HPSE2: variants seen among roughly 807,000 people sequenced by gnomAD.
HPSE2 encodes inactive heparanase-2.
In HPSE2, 38 loss-of-function variants were observed where a neutral mutation model predicts 60.5. The observed-to-expected ratio is 0.63, with a 90% CI of 0.48 to 0.82. HPSE2 has a LOEUF of 0.82. HPSE2 is among the 40% of genes least tolerant of loss of function. The pLI, the probability that HPSE2 is intolerant of heterozygous loss-of-function variation, is 0.00. For synonymous variants in HPSE2, 295 were observed against 293.2 expected, an observed-to-expected ratio of 1.01 and a Z score of -0.06; for missense variants, 713 against 740.4, an observed-to-expected ratio of 0.96 and a Z score of 0.43.
chr10:99,258,223 T>A, the HPSE2 span, among the ~76,000 whole-genome samples: 1 of 151,896 alleles, frequency 6.6e-6, no homozygotes, highest in African/African-American at 2.4e-5. Flanking sequence ...TAATAAAGAA[T>A]TGAAATTTCA....
chr10:99,278,225 C>T, the HPSE2 span, among the ~76,000 whole-genome samples: 1 of 151,970 alleles, frequency 6.6e-6, no homozygotes, highest in Non-Finnish European at 1.5e-5. Context: ...GGAAGATAGA[C>T]ATGGCTGTTT....
At position 98,471,670 on chromosome 10, in the gene HPSE2, C is replaced by A. The variant is rs147157238; in HGVS notation, c.1613+10966G>T. 1.2e-3 allele frequency among the ~76,000 whole-genome samples: 176 copies of A among 152,060 alleles called. 1 individual carries two copies. Among genetic ancestry groups the A allele is most frequent in the African/African-American group, 3.9e-3 (160 of 41,472 alleles). ...ATGTCTTGCCCCCTCCCGCTTGTAC[C>A]TTGGTGGGATGATTATGCTCCTCGG... On this transcript the variant is annotated intron_variant, in intron 11 of 11. Coordinates refer to ENST00000370552, the MANE Select transcript of HPSE2 (RefSeq NM_021828.5).
chr10:98,755,768 T>C (rs925702958), intron 3 of HPSE2, among the ~76,000 whole-genome samples: 2 of 152,084 alleles, frequency 1.3e-5, no homozygotes, highest in Non-Finnish European at 2.9e-5. Context: ...GAGTTTCAGG[T>C]GGGCAGATCA....
At chr10:98,914,349 C>G in intron 3 of HPSE2, among the ~76,000 whole-genome samples, 1 of 151,962 alleles carries the variant, frequency 6.6e-6, no homozygotes. Context: ...AAACCTCTTT[C>G]TTTTGTAAAT....
intron 3 of HPSE2, among the ~76,000 whole-genome samples, chr10:98,916,014 T>C (rs1256742054): frequency 6.6e-6 from 1 of 152,186 alleles, no homozygotes; most frequent in Non-Finnish European, 1.5e-5. Context: ...AGTTGCCCTG[T>C]TCTAGCTTGC....
intron 3 of HPSE2, among the ~76,000 whole-genome samples, chr10:99,019,539 A>G (rs2135421896): frequency 6.6e-6 from 1 of 152,252 alleles, no homozygotes; most frequent in South Asian, 2.1e-4. Flanking sequence ...TTTTAAGATA[A>G]GTACATACAT....
intron 3 of HPSE2, among the ~76,000 whole-genome samples, chr10:98,782,767 T>G (rs1466774032): frequency 1.1e-5 from 1 of 92,662 alleles, no homozygotes; most frequent in Non-Finnish European, 2.5e-5. Context: ...TGTAGGACCC[T>G]GGGAAAATAT....
intron 3 of HPSE2, among the ~76,000 whole-genome samples, chr10:99,100,210 T>C (rs985949930): frequency 2.0e-5 from 3 of 152,154 alleles, no homozygotes; most frequent in Non-Finnish European, 4.4e-5. Context: ...AAGAAGGAAG[T>C]TCGAATCCAT....
At chr10:98,874,980 A>C (rs1952835566) in intron 3 of HPSE2, among the ~76,000 whole-genome samples, 1 of 152,052 alleles carries the variant, frequency 6.6e-6, no homozygotes, top group African/African-American at 2.4e-5. Context: ...GTGGTGGATA[A>C]GTTTTTTGAT....
intron 3 of HPSE2, among the ~76,000 whole-genome samples, chr10:98,959,539 C>T (rs1038365556): frequency 6.6e-6 from 1 of 152,006 alleles, no homozygotes; most frequent in African/African-American, 2.4e-5. Context: ...GTGCCCAAAA[C>T]GTTTTGTGAA....
intron 3 of HPSE2, among the ~76,000 whole-genome samples, chr10:98,868,082 T>A (rs76132022): frequency 2.6e-3 from 3 of 1,160 alleles, no homozygotes; most frequent in Non-Finnish European, 3.6e-3. Context: ...AGAAAGAAAA[T>A]AAATAAATAA....
chr10:99,108,605 A>C (rs1205595756), intron 3 of HPSE2, among the ~76,000 whole-genome samples: 2 of 152,212 alleles, frequency 1.3e-5, no homozygotes, highest in East Asian at 3.8e-4. Context: ...TCATTACTCT[A>C]TAACGAGACC....
At chr10:98,989,917 T>C (rs1956482314) in intron 3 of HPSE2, among the ~76,000 whole-genome samples, 1 of 152,200 alleles carries the variant, frequency 6.6e-6, no homozygotes, top group African/African-American at 2.4e-5. Flanking sequence ...TTTCCTCCTT[T>C]TCAAAGAAGC....
At chr10:99,224,452 CAT>C (rs1314120225) in intron 2 of HPSE2, among the ~76,000 whole-genome samples, 21 of 148,224 alleles carry the variant, frequency 1.4e-4, no homozygotes, top group Middle Eastern at 3.4e-3. Flanking sequence ...CACACACACA[CAT>C]AGCTCAGAGT....
chr10:98,755,111 A>G (rs1949848755), intron 3 of HPSE2, among the ~76,000 whole-genome samples: 1 of 152,108 alleles, frequency 6.6e-6, no homozygotes, highest in African/African-American at 2.4e-5. Flanking sequence ...ACCCAACTAT[A>G]TGCTGTATTC....
chr10:98,579,997 T>C (rs1944748508), intron 9 of HPSE2, among the ~76,000 whole-genome samples: 1 of 152,222 alleles, frequency 6.6e-6, no homozygotes, highest in Non-Finnish European at 1.5e-5. Flanking sequence ...GACTTTCATG[T>C]CTGAAAATGT....
intron 1 of HPSE2, among the ~76,000 whole-genome samples, chr10:99,235,096 T>TCACA (rs1176201504): frequency 4.6e-4 from 37 of 80,420 alleles, no homozygotes; most frequent in African/African-American, 1.7e-3. Flanking sequence ...CTCTCCTGTC[T>TCACA]CACATACACA....
intron 3 of HPSE2, among the ~76,000 whole-genome samples, chr10:98,808,842 T>TA (rs1951101601): frequency 6.6e-6 from 1 of 152,158 alleles, no homozygotes; most frequent in East Asian, 1.9e-4. Context: ...AGTCTCCAAT[T>TA]AGTGTCCTAG....
At chr10:98,503,736 T>A (rs182006726) in intron 9 of HPSE2, among the ~76,000 whole-genome samples, 3 of 152,190 alleles carry the variant, frequency 2.0e-5, no homozygotes, top group Non-Finnish European at 4.4e-5. Context: ...GACTGGAGGC[T>A]ATTATTCTAA....
Sources: allele counts gnomAD v4.1 joint callset (sites outside exome capture counted in the v4.1 genomes callset), GRCh38; gene constraint gnomAD v4.1.1; transcripts MANE v1.5; gene names NCBI Gene and HGNC (gene_info 2026-07-23, HGNC 2026-07-21).